The following GLI3 variants were observed in gnomAD, a reference collection of about 807,000 sequenced individuals.
GLI3 encodes the protein transcription activator GLI3.
In GLI3, 20 loss-of-function variants were observed where a neutral mutation model predicts 100.8. That is an observed-to-expected ratio of 0.20 (90% CI 0.14 to 0.29). The LOEUF is 0.29. Ranked by LOEUF, GLI3 falls within the 10% of genes least tolerant of loss-of-function variation. The pLI is 1.00. For missense variants in GLI3, 2,040 were observed against 2,128.5 expected (o/e 0.96, Z 0.82); for synonymous variants, 938 against 860.5 (o/e 1.09, Z -1.58).
intron 5 of GLI3, among the ~76,000 whole-genome samples, chr7:42,046,687 C>T (rs1392007998): frequency 6.6e-6 from 1 of 152,114 alleles, no homozygotes; most frequent in African/African-American, 2.4e-5. Context: ...TTCTGCAGGC[C>T]AGGCATAATT....
intron 2 of GLI3, among the ~76,000 whole-genome samples, chr7:42,158,223 A>G (rs1311961946): frequency 6.6e-6 from 1 of 152,200 alleles, no homozygotes; most frequent in African/African-American, 2.4e-5. Context: ...ACGCCAGGCC[A>G]GTGCTATGTG....
chr7:42,256,235 C>G (rs1405560850), intron 1 of GLI3, among the ~76,000 whole-genome samples: 1 of 151,664 alleles, frequency 6.6e-6, no homozygotes, highest in Non-Finnish European at 1.5e-5. Context: ...TATTGTCTCC[C>G]AGTTTGCCTT....
intron 4 of GLI3, among the ~76,000 whole-genome samples, chr7:42,070,002 C>A (rs550130645): frequency 5.6e-4 from 86 of 152,310 alleles, no homozygotes; most frequent in Middle Eastern, 3.4e-3. Context: ...GAAGGCTCTA[C>A]GCAGATACAC....
At position 42,245,587 on chromosome 7, in the gene GLI3, A is replaced by C. The variant is rs548295818; in HGVS notation, c.-43+18407T>G. ...TCCCAGCTACTAGGGAGGCTGAGGC[A>C]GGAGAATTGCTTGAACCCGGGAGAT... On this transcript the variant is annotated intron_variant, in intron 1 of 2. Transcript: ENST00000678978. Among the ~76,000 whole-genome samples, 790 of 152,254 alleles carry C rather than the reference A, an allele frequency of 5.2e-3. 3 individuals are homozygous for C. The highest frequency in any genetic ancestry group is 9.7e-3 in the Non-Finnish European group (662 of 68,020).
intron 3 of GLI3, among the ~76,000 whole-genome samples, chr7:42,128,125 A>G (rs73325668): frequency 0.047 from 7,148 of 152,230 alleles, 579 homozygotes; most frequent in African/African-American, 0.16. Context: ...ATAAAATCAA[A>G]GAAAATATAC....
At chr7:42,101,879 C>T (rs1249555701) in intron 3 of GLI3, among the ~76,000 whole-genome samples, 2 of 123,514 alleles carry the variant, frequency 1.6e-5, no homozygotes, top group Non-Finnish European at 3.2e-5. Context: ...TGTTCCCCTT[C>T]CTGTGTCCAT....
intron 3 of GLI3, among the ~76,000 whole-genome samples, chr7:42,112,035 G>C (rs1425985289): frequency 3.3e-5 from 5 of 152,208 alleles, no homozygotes; most frequent in African/African-American, 1.2e-4. Context: ...CAGAGCTTGT[G>C]AAGGACAAAA....
rs1213362593 is a variant in GLI3, at chr7:42,202,340, TCTCTCTCA to T, written c.124+20782_124+20789del. 7.5e-4 allele frequency among the ~76,000 whole-genome samples: 26 copies of T among 34,836 alleles called. No homozygotes were observed. The South Asian group carries it at 0.036, about 48-fold the overall frequency. The allele number at this position is 34,836 out of a possible 152,430, so 22.9% of individuals were successfully genotyped here. A position where few individuals can be genotyped will look rare whatever the true frequency, so the allele number is the denominator to read the frequency against. On this transcript the variant is annotated intron_variant, in intron 2 of 14. Transcript: ENST00000395925. ...ATCTGTCTCTCTCTCTCTCTCTCTCTCTCTCTCACACACACACACACACACACACACAC... is the reference window on the plus strand; with the variant it reads ...ATCTGTCTCTCTCTCTCTCTCTCTCTCACACACACACACACACACACACAC...
Position 41,972,710 on chromosome 7 carries a change from T to C in GLI3, c.1813-83A>G. 8.8e-7 allele frequency: 1 copy of C among 1,134,650 alleles called. No individual in the cohort carries two copies. Among genetic ancestry groups the C allele is most frequent in the East Asian group, 2.4e-5 (1 of 41,528 alleles). 70.3% of individuals were successfully genotyped at this position (1,134,650 alleles called of 1,614,324 possible). On this transcript the variant is annotated intron_variant, in intron 12 of 14. Coordinates refer to ENST00000395925, the MANE Select transcript of GLI3 (RefSeq NM_000168.6). The surrounding 1 kb of genome is among the most constrained non-coding windows in gnomAD (Gnocchi z 4.4). The stretch of plus-strand genomic sequence containing the variant: ...CCCAAAAGTCCTTTATGGTTGCTCA[T>C]TACATTTTTAATCCTTTCAAAACAC...
rs1406121962 is a variant in GLI3, at chr7:41,966,231, T to C, written c.2842A>G (p.Met948Val). The C allele has an allele frequency of 1.9e-6, 3 of 1,608,714 alleles. No homozygotes were observed. The highest frequency in any genetic ancestry group is 2.5e-6 in the Non-Finnish European group (3 of 1,178,916). ...CGCGTCTTCAGGCTCATCCTCTCCA[T>C]GTTGGGCAGGGGCGTCGGCGGCGGC... ...GGPPPTPLPNMERMSLKTRLA... is the reference protein window; with the variant it reads ...GGPPPTPLPNVERMSLKTRLA... Residue 948 changes from methionine to valine, a missense_variant, in exon 15 of 15, where the codon ATG becomes GTG. Coordinates refer to ENST00000395925, the MANE Select transcript of GLI3 (RefSeq NM_000168.6). The surrounding 1 kb of genome is among the most constrained non-coding windows in gnomAD (Gnocchi z 5.8).
intron 1 of GLI3, among the ~76,000 whole-genome samples, chr7:42,250,887 T>A (rs1789023775): frequency 6.6e-6 from 1 of 152,100 alleles, no homozygotes; most frequent in South Asian, 2.1e-4. Flanking sequence ...ATTAGAAAAG[T>A]TGCCTACCTT....
At chr7:42,240,010 G>A (rs1200612769), upstream of GLI3, among the ~76,000 whole-genome samples, 6 of 151,924 alleles carry the variant, frequency 3.9e-5, no homozygotes, top group East Asian at 5.8e-4. Flanking sequence ...GTGAGGTCTC[G>A]GAGCCCAATC....
At chr7:42,126,919 C>A (rs1401937763) in intron 3 of GLI3, among the ~76,000 whole-genome samples, 1 of 152,102 alleles carries the variant, frequency 6.6e-6, no homozygotes, top group Non-Finnish European at 1.5e-5. Context: ...TGTCTCCAGC[C>A]CAAAAGAGTG....
At chr7:42,229,183 CTTCAT>C (rs1788644142) in intron 1 of GLI3, among the ~76,000 whole-genome samples, 1 of 152,234 alleles carries the variant, frequency 6.6e-6, no homozygotes, top group Non-Finnish European at 1.5e-5. Flanking sequence ...CAGCAGACTA[CTTCAT>C]TTATTTCCCT....
chr7:42,086,371 A>G (rs1309440619), intron 3 of GLI3, among the ~76,000 whole-genome samples: 1 of 152,062 alleles, frequency 6.6e-6, no homozygotes, highest in Non-Finnish European at 1.5e-5. Flanking sequence ...TGACACAACA[A>G]TGTCAGAGTT....
chr7:42,024,003 A>T (rs1789025791), intron 9 of GLI3, among the ~76,000 whole-genome samples: 1 of 152,184 alleles, frequency 6.6e-6, no homozygotes, highest in Non-Finnish European at 1.5e-5. Context: ...AAAGATTGGT[A>T]CTTCTATTTT....
At chr7:42,179,525 C>A (rs995318762) in intron 2 of GLI3, among the ~76,000 whole-genome samples, 3 of 152,096 alleles carry the variant, frequency 2.0e-5, no homozygotes, top group Non-Finnish European at 2.9e-5. Context: ...ACAACAGACT[C>A]TAGTAAAGCA....
chr7:42,152,383 T>C, intron 2 of GLI3: 1 of 985,230 alleles, frequency 1.0e-6, no homozygotes, highest in Non-Finnish European at 1.2e-6. Flanking sequence ...GCTAGCTACT[T>C]TGCGCCAACT....
intron 3 of GLI3, among the ~76,000 whole-genome samples, chr7:42,129,151 T>G (rs1786209464): frequency 6.6e-6 from 1 of 152,216 alleles, no homozygotes; most frequent in Non-Finnish European, 1.5e-5. Flanking sequence ...TGCTAGGCAC[T>G]TCTAAGAGCT....
Sources: gnomAD v4.1 joint callset for allele counts (sites outside exome capture counted in the v4.1 genomes callset) on GRCh38, gnomAD v4.1.1 for gene constraint, Gnocchi (gnomAD v3.1) non-coding constraint, MANE v1.5 for transcripts, NCBI Gene and HGNC (gene_info 2026-07-23, HGNC 2026-07-21) for gene names.